HHAT: variants seen among roughly 807,000 people sequenced by gnomAD.
HHAT encodes the protein protein-cysteine N-palmitoyltransferase HHAT.
HHAT carries 47 observed loss-of-function variants against 70.8 expected under a neutral mutation model. The observed-to-expected ratio is 0.66, with a 90% CI of 0.53 to 0.85. The LOEUF is 0.85. Ranked by LOEUF, HHAT falls within the 40% of genes least tolerant of loss-of-function variation. The probability of loss-of-function intolerance (pLI) is 0.00; values close to 1 mark genes in which losing one functional copy is unlikely to be tolerated. For synonymous variants in HHAT, 228 were observed against 247.6 expected, an observed-to-expected ratio of 0.92 and a Z score of 0.74; for missense variants, 609 against 604.8, an observed-to-expected ratio of 1.01 and a Z score of -0.07.
intron 11 of HHAT, among the ~76,000 whole-genome samples, chr1:210,667,101 G>C (rs1251987266): frequency 6.6e-6 from 1 of 150,578 alleles, no homozygotes; most frequent in Non-Finnish European, 1.5e-5. Flanking sequence ...ATGAATTCTG[G>C]TCTGGGCACT....
chr1:210,501,492 G>A (rs1244173538), intron 8 of HHAT, among the ~76,000 whole-genome samples: 7 of 152,196 alleles, frequency 4.6e-5, no homozygotes, highest in Non-Finnish European at 8.8e-5. Context: ...GGGTGGTGGA[G>A]TGGAGGGTTG....
chr1:210,349,097 C>G (rs781683623), intron 2 of HHAT, 31 bp downstream of exon 2: 1 of 1,604,638 alleles, frequency 6.2e-7, no homozygotes, highest in South Asian at 1.1e-5. Flanking sequence ...GACCTCCTAT[C>G]AAACAAGGAA....
At chr1:210,329,577 A>C (rs1455036670) in intron 1 of HHAT, 1 of 694,454 alleles carries the variant, frequency 1.4e-6, no homozygotes, top group Non-Finnish European at 1.8e-6. Context: ...ATGCGGAAAA[A>C]CCCTCCCGCT....
At chr1:210,483,396 G>A (rs1471080796) in intron 8 of HHAT, among the ~76,000 whole-genome samples, 2 of 152,134 alleles carry the variant, frequency 1.3e-5, no homozygotes, top group Non-Finnish European at 2.9e-5. Context: ...TCCTAACCTT[G>A]CCTCTGTCAT....
intron 8 of HHAT, among the ~76,000 whole-genome samples, chr1:210,501,270 G>T (rs1240928787): frequency 6.6e-6 from 1 of 152,248 alleles, no homozygotes; most frequent in Non-Finnish European, 1.5e-5. Context: ...CATAGACTCT[G>T]TTGCCCCAAC....
At position 210,565,848 on chromosome 1, in the gene HHAT, T is replaced by A. The variant is rs151275366; in HGVS notation, c.1044-22050T>A. 4.4e-3 allele frequency among the ~76,000 whole-genome samples: 677 copies of A among 152,266 alleles called. 2 individuals are homozygous for A. Among genetic ancestry groups the A allele is most frequent in the African/African-American group, 0.014 (580 of 41,534 alleles). ...AGAAAGACTGTTTCACAAGCTGAGA[T>A]CTCCTGGCCGCTAAGAGCGTGGAGG... On this transcript the variant is annotated intron_variant, in intron 9 of 11. Transcript: ENST00000261458.
chr1:210,422,017 C>T (rs943404038), intron 7 of HHAT, among the ~76,000 whole-genome samples: 1 of 151,868 alleles, frequency 6.6e-6, no homozygotes, highest in Non-Finnish European at 1.5e-5. Flanking sequence ...ATAATTATCT[C>T]CTACTCCAAG....
chr1:210,588,230 G>T, intron 10 of HHAT, 131 bp downstream of exon 10: 1 of 701,956 alleles, frequency 1.4e-6, no homozygotes, highest in Non-Finnish European at 2.3e-6. Context: ...AAGTCCATAT[G>T]CCTAGAGGCA....
At chr1:210,662,379 A>G (rs538505919) in intron 11 of HHAT, among the ~76,000 whole-genome samples, 1 of 152,208 alleles carries the variant, frequency 6.6e-6, no homozygotes, top group Non-Finnish European at 1.5e-5. Context: ...AAGAAGCCTG[A>G]TTCGTGGTGT....
chr1:210,342,881 C>T (rs901093082), intron 1 of HHAT, among the ~76,000 whole-genome samples: 1 of 152,108 alleles, frequency 6.6e-6, no homozygotes, highest in Non-Finnish European at 1.5e-5. Context: ...TCATAAATCC[C>T]TTAAGACATA....
intron 7 of HHAT, among the ~76,000 whole-genome samples, chr1:210,453,810 A>G (rs564657176): frequency 5.9e-5 from 9 of 152,324 alleles, no homozygotes; most frequent in South Asian, 2.1e-4. Context: ...CAGTCTACAC[A>G]TAGATTTTAC....
In HHAT at chr1:210,473,223, T is replaced by C. The variant is rs182088406; in HGVS notation, c.1007+8568T>C. 3.3e-5 allele frequency among the ~76,000 whole-genome samples: 5 copies of C among 152,364 alleles called. No individual in the cohort carries two copies. The East Asian group carries it at 9.6e-4, about 29-fold the overall frequency. ...GGGCCTGCTATCTGTCATGTAATGC[T>C]ATACTAGAGTCAGGTTGGAATTTGG... On this transcript the variant is annotated intron_variant, in intron 8 of 11. Coordinates refer to ENST00000261458, the MANE Select transcript of HHAT (RefSeq NM_018194.6).
chr1:210,374,273 TACAA>T (rs1188794597), intron 3 of HHAT: 12 of 151,398 alleles, frequency 7.9e-5, no homozygotes, highest in Non-Finnish European at 1.8e-4. Context: ...AGTGTAATGC[TACAA>T]ATTAGTTCAA....
intron 7 of HHAT, among the ~76,000 whole-genome samples, chr1:210,451,383 C>T (rs1199113346): frequency 1.3e-5 from 2 of 152,126 alleles, no homozygotes; most frequent in African/African-American, 4.8e-5. Flanking sequence ...TGATGAATGT[C>T]AGAATGAATT....
rs185096528 is a variant in HHAT, at chr1:210,477,603, T to A, written c.1007+12948T>A. On this transcript the variant is annotated intron_variant, in intron 8 of 11. Transcript: ENST00000261458. ...ATCATCAGGGGCATGGCCTTACTGT[T>A]GAAATAGAGATGACAAGTTCAAGTA... 1.1e-3 allele frequency among the ~76,000 whole-genome samples: 163 copies of A among 152,332 alleles called. 1 individual carries two copies. The highest frequency in any genetic ancestry group is 3.8e-3 in the African/African-American group (160 of 41,576).
At chr1:210,614,040 A>C (rs915539648) in intron 10 of HHAT, among the ~76,000 whole-genome samples, 2 of 141,174 alleles carry the variant, frequency 1.4e-5, no homozygotes, top group Non-Finnish European at 3.1e-5. Context: ...AAAAAAAAAA[A>C]AAATTCCTCC....
chr1:210,631,021 T>A (rs1210258523), intron 11 of HHAT: 6 of 453,214 alleles, frequency 1.3e-5, no homozygotes, highest in Non-Finnish European at 2.7e-5. Flanking sequence ...TTTTTTTTAC[T>A]CAATCCATGT....
At chr1:210,452,735 T>G (rs993789038) in intron 7 of HHAT, among the ~76,000 whole-genome samples, 2 of 152,206 alleles carry the variant, frequency 1.3e-5, no homozygotes, top group African/African-American at 4.8e-5. Flanking sequence ...ATTTCTTCAA[T>G]TTATTATTGA....
intron 3 of HHAT, among the ~76,000 whole-genome samples, chr1:210,380,870 G>A (rs902286921): frequency 1.3e-5 from 2 of 152,068 alleles, no homozygotes; most frequent in Admixed American, 6.6e-5. Context: ...GGTTAGGTAC[G>A]ACGATGGAAG....
Sources: allele counts gnomAD v4.1 joint callset (sites outside exome capture counted in the v4.1 genomes callset), GRCh38; gene constraint gnomAD v4.1.1; transcripts MANE v1.5; gene names NCBI Gene and HGNC (gene_info 2026-07-23, HGNC 2026-07-21).